Variants in CAMK4 observed in about 807,000 individuals in gnomAD.
CAMK4 encodes calcium/calmodulin-dependent protein kinase type IV.
A neutral mutation model predicts 44.9 loss-of-function variants in CAMK4; 22 were observed. That is an observed-to-expected ratio of 0.49 (90% CI 0.35 to 0.70). CAMK4 has a LOEUF of 0.70. Among genes scored for constraint, CAMK4 ranks in the 30% least tolerant of loss-of-function variants. CAMK4 has a pLI of 0.01. For synonymous variants in CAMK4, 218 were observed against 215.4 expected, an observed-to-expected ratio of 1.01 and a Z score of -0.11; for missense variants, 498 against 586.8, an observed-to-expected ratio of 0.85 and a Z score of 1.56.
chr5:111,478,241 C>A (rs1023279670), intron 8 of CAMK4, 140 bp from the exon 9 acceptor site: 8 of 446,358 alleles, frequency 1.8e-5, no homozygotes, highest in African/African-American at 1.6e-4. Context: ...TGTAATAAGG[C>A]AGTTGCATAC....
At chr5:111,347,179 T>G (rs2112761701) in intron 2 of CAMK4, among the ~76,000 whole-genome samples, 1 of 152,130 alleles carries the variant, frequency 6.6e-6, no homozygotes, top group African/African-American at 2.4e-5. Context: ...AAGAAAGGAA[T>G]GTTAAGATCT....
At chr5:111,278,702 T>A (rs1251487120) in intron 1 of CAMK4, among the ~76,000 whole-genome samples, 1 of 152,212 alleles carries the variant, frequency 6.6e-6, no homozygotes, top group African/African-American at 2.4e-5. Context: ...TTACAGTGAA[T>A]CTGATATAAT....
Position 111,455,913 on chromosome 5 carries a change from A to C in CAMK4, c.625+6710A>C, listed in dbSNP as rs1754396930. ...GGAATAATAAGAACACTTATTTCACAGGGCTATTATAAAGAATAAATAAGA... is the reference window on the plus strand; with the variant it reads ...GGAATAATAAGAACACTTATTTCACCGGGCTATTATAAAGAATAAATAAGA... On this transcript the variant is annotated intron_variant, in intron 7 of 10. Transcript: ENST00000282356. Among the ~76,000 whole-genome samples, 3 of 152,354 alleles carry C rather than the reference A, an allele frequency of 2.0e-5. No homozygotes were observed. In the South Asian group the frequency reaches 6.2e-4, roughly 32 times the overall value.
At chr5:111,329,260 C>T (rs556697917) in intron 1 of CAMK4, among the ~76,000 whole-genome samples, 2 of 152,016 alleles carry the variant, frequency 1.3e-5, no homozygotes, top group South Asian at 2.1e-4. Flanking sequence ...GAGAAACCCA[C>T]AGCCAATATC....
intron 1 of CAMK4, among the ~76,000 whole-genome samples, chr5:111,227,305 G>A (rs1022163155): frequency 6.6e-6 from 1 of 152,296 alleles, no homozygotes; most frequent in East Asian, 1.9e-4. Flanking sequence ...GTTGAACTCA[G>A]GTCATCAGTT....
At chr5:111,347,523 A>T (rs1451547030) in intron 2 of CAMK4, among the ~76,000 whole-genome samples, 3 of 151,924 alleles carry the variant, frequency 2.0e-5, no homozygotes, top group Non-Finnish European at 4.4e-5. Context: ...CCTAGAAGGA[A>T]CTCAAAATTT....
intron 1 of CAMK4, among the ~76,000 whole-genome samples, chr5:111,230,907 G>T (rs760968625): frequency 3.3e-5 from 5 of 151,700 alleles, no homozygotes; most frequent in African/African-American, 1.2e-4. Context: ...AAATTTCAAG[G>T]TCAAATTCAT....
chr5:111,288,886 T>A (rs780968149), intron 1 of CAMK4, among the ~76,000 whole-genome samples: 1 of 152,232 alleles, frequency 6.6e-6, no homozygotes, highest in Non-Finnish European at 1.5e-5. Flanking sequence ...CTCAAGACCT[T>A]CCATTGTAGG....
intron 7 of CAMK4, among the ~76,000 whole-genome samples, chr5:111,463,804 A>G (rs1389042176): frequency 1.3e-5 from 2 of 152,228 alleles, no homozygotes; most frequent in Non-Finnish European, 2.9e-5. Flanking sequence ...AGAGCACAGC[A>G]TCAAGGGAGT....
At chr5:111,395,404 G>T (rs1380466933) in intron 5 of CAMK4, among the ~76,000 whole-genome samples, 1 of 148,720 alleles carries the variant, frequency 6.7e-6, no homozygotes, top group Non-Finnish European at 1.5e-5. Flanking sequence ...GCCTTTATTT[G>T]TTCTTTAACT....
At chr5:111,317,898 T>TAAAAAAAAAAAAAAAAAAAAA (rs3066636) in intron 1 of CAMK4, among the ~76,000 whole-genome samples, 3 of 69,818 alleles carry the variant, frequency 4.3e-5, no homozygotes, top group African/African-American at 1.0e-4. Context: ...GAGTAATATG[T>TAAAAAAAAAAAAAAAAAAAAA]AAAAAAAAAA....
intron 1 of CAMK4, among the ~76,000 whole-genome samples, chr5:111,283,314 C>G (rs772541993): frequency 6.6e-6 from 1 of 152,098 alleles, no homozygotes; most frequent in Non-Finnish European, 1.5e-5. Flanking sequence ...CTGTTATACT[C>G]TGTGCATATA....
At chr5:111,289,909 GTA>G (rs770887394) in intron 1 of CAMK4, among the ~76,000 whole-genome samples, 2 of 152,222 alleles carry the variant, frequency 1.3e-5, no homozygotes, top group Non-Finnish European at 2.9e-5. Context: ...TGGTCCACAA[GTA>G]TGAGGAATCT....
chr5:111,244,075 G>C (rs1365444626), intron 1 of CAMK4, among the ~76,000 whole-genome samples: 12 of 152,224 alleles, frequency 7.9e-5, no homozygotes, highest in Non-Finnish European at 2.9e-5. Context: ...TTGGTCTTCT[G>C]CACTTTTGTC....
chr5:111,246,931 G>GCTCCTGGTATCTCATTATA (rs1749267866), intron 1 of CAMK4, among the ~76,000 whole-genome samples: 7 of 152,146 alleles, frequency 4.6e-5, no homozygotes, highest in Admixed American at 4.6e-4. Flanking sequence ...TGGGGTTCCA[G>GCTCCTGGTATCTCATTATA]CATACAGCTC....
chr5:111,293,742 C>CTTTTTT (rs35117453), intron 1 of CAMK4, among the ~76,000 whole-genome samples: 2 of 83,518 alleles, frequency 2.4e-5, no homozygotes, highest in African/African-American at 5.3e-5. Flanking sequence ...TGCTGCTCTA[C>CTTTTTT]TTTTTTTTTT....
chr5:111,264,834 C>T (rs1248866896), intron 1 of CAMK4, among the ~76,000 whole-genome samples: 2 of 152,044 alleles, frequency 1.3e-5, no homozygotes, highest in East Asian at 3.9e-4. Flanking sequence ...CCCTGTTTCC[C>T]TGAGGTCTGA....
chr5:111,251,270 A>T (rs1230113718), intron 1 of CAMK4, among the ~76,000 whole-genome samples: 1 of 152,232 alleles, frequency 6.6e-6, no homozygotes. Flanking sequence ...GCTTTTGACC[A>T]AAAGAATGAT....
chr5:111,353,132 A>T (rs973639650), intron 2 of CAMK4, among the ~76,000 whole-genome samples: 10 of 152,222 alleles, frequency 6.6e-5, no homozygotes, highest in African/African-American at 2.4e-4. Context: ...ACAGAATCTG[A>T]AATGGTAATA....
Sources: allele counts gnomAD v4.1 joint callset (sites outside exome capture counted in the v4.1 genomes callset), GRCh38; gene constraint gnomAD v4.1.1; transcripts MANE v1.5; gene names NCBI Gene and HGNC (gene_info 2026-07-23, HGNC 2026-07-21).